Variants in SLC12A9 observed in about 807,000 individuals in gnomAD.
SLC12A9 encodes solute carrier family 12 member 9, also known as CCC-interacting protein 1.
Under a neutral mutation model 66.0 loss-of-function variants are expected in SLC12A9, and 55 were observed. The observed-to-expected ratio is 0.83, with a 90% CI of 0.67 to 1.04. The LOEUF (loss-of-function observed/expected upper bound fraction) is 1.04. SLC12A9 is among the 50% of genes least tolerant of loss of function. The pLI is 0.00. For missense variants in SLC12A9, 1,061 were observed against 1,241.9 expected (o/e 0.85, Z 2.19); for synonymous variants, 577 against 569.0 (o/e 1.01, Z -0.20).
Position 100,861,426 on chromosome 7 carries a change from C to T in SLC12A9, c.1378C>T (p.Leu460=), listed in dbSNP as rs1257653266. 2 of 1,613,780 alleles carry T rather than the reference C, an allele frequency of 1.2e-6. No individual in the cohort carries two copies. Among genetic ancestry groups the T allele is most frequent in the Admixed American group, 3.3e-5 (2 of 60,026 alleles). Residue 460 remains leucine (L), a synonymous_variant, in exon 11 of 14, where the codon CTG becomes TTG. Transcript: ENST00000354161. This position sits in a 1 kb window ranked among gnomAD's most constrained non-coding sequence, Gnocchi z 5.3. The stretch of plus-strand genomic sequence containing the variant: ...CAGCCTGTTCTCCTGGCACACCTGC[C>T]TGCTGGGGGTGGCCTCCTGCCTGCT... The part of the protein sequence containing the change: ...TFSLFSWHTC[L]LGVASCLLMM...
At chr7:100,829,967 G>C (rs2116487567) in intron 1 of SLC12A9, among the ~76,000 whole-genome samples, 1 of 152,128 alleles carries the variant, frequency 6.6e-6, no homozygotes, top group Non-Finnish European at 1.5e-5. Flanking sequence ...GGCAGAAGTT[G>C]CAGTGAGCAG....
chr7:100,844,212 GTTA>G (rs774617420), intron 1 of SLC12A9, among the ~76,000 whole-genome samples: 2 of 152,088 alleles, frequency 1.3e-5, no homozygotes, highest in Non-Finnish European at 2.9e-5. Flanking sequence ...TTATTTTACA[GTTA>G]TTATAAGTGT....
At chr7:100,837,027 G>C (rs1224645148) in intron 1 of SLC12A9, among the ~76,000 whole-genome samples, 2 of 152,122 alleles carry the variant, frequency 1.3e-5, no homozygotes, top group Admixed American at 1.3e-4. Context: ...ACACTCTGAG[G>C]TCACCTAATA....
intron 1 of SLC12A9, among the ~76,000 whole-genome samples, chr7:100,842,354 T>A (rs1028516015): frequency 6.6e-6 from 1 of 152,236 alleles, no homozygotes; most frequent in Non-Finnish European, 1.5e-5. Context: ...TGCTTTGTTA[T>A]ACCCTGTGAG....
intron 5 of SLC12A9, 182 bp downstream of exon 5, chr7:100,857,358 A>G (rs1814461648): frequency 2.9e-6 from 2 of 682,560 alleles, no homozygotes; most frequent in Non-Finnish European, 2.4e-6. Flanking sequence ...GCAGGGCAGG[A>G]GGAAGCCCAC....
At chr7:100,832,816 C>T (rs1292563045) in intron 1 of SLC12A9, among the ~76,000 whole-genome samples, 1 of 151,994 alleles carries the variant, frequency 6.6e-6, no homozygotes, top group Non-Finnish European at 1.5e-5. Flanking sequence ...CCCTTTGTCA[C>T]CCATGCTGGA....
chr7:100,861,986 G>C lies in SLC12A9; in HGVS notation c.1711+75G>C. 7.0e-7 allele frequency: 1 copy of C among 1,421,708 alleles called. No homozygotes were observed. The highest frequency in any genetic ancestry group is 9.3e-7 in the Non-Finnish European group (1 of 1,070,126). 88.1% of individuals were successfully genotyped at this position (1,421,708 alleles called of 1,614,324 possible). ...ACCTTTTTTTTTTTTTTGAGATGGAGCTTCGTTCTGTTGCCCAGGCTGGAG... is the reference window on the plus strand; with the variant it reads ...ACCTTTTTTTTTTTTTTGAGATGGACCTTCGTTCTGTTGCCCAGGCTGGAG... On this transcript the variant is annotated intron_variant, in intron 12 of 13. Coordinates refer to ENST00000354161, the MANE Select transcript of SLC12A9 (RefSeq NM_020246.4). The surrounding 1 kb of genome is among the most constrained non-coding windows in gnomAD (Gnocchi z 5.3).
At chr7:100,846,540 C>T (rs1813920309) in intron 1 of SLC12A9, among the ~76,000 whole-genome samples, 1 of 151,454 alleles carries the variant, frequency 6.6e-6, no homozygotes, top group Non-Finnish European at 1.5e-5. Context: ...GCACTCTAGC[C>T]TGGGCGACAA....
In SLC12A9 at chr7:100,861,095, C is replaced by T. The variant is rs761538999; in HGVS notation, c.1219-43C>T. The T allele has an allele frequency of 1.9e-6, 3 of 1,613,946 alleles. No homozygotes were observed. In the Admixed American group the frequency reaches 5.0e-5, roughly 27 times the overall value. The stretch of plus-strand genomic sequence containing the variant: ...TGTTCACTGGCATTTTGGGGGTGCA[C>T]TGGCACTTTGGAACAACGGCACGCC... On this transcript the variant is annotated intron_variant, in intron 9 of 13. Coordinates refer to ENST00000354161, the MANE Select transcript of SLC12A9 (RefSeq NM_020246.4). The surrounding 1 kb of genome is among the most constrained non-coding windows in gnomAD (Gnocchi z 5.3).
At chr7:100,850,487 G>A (rs563283705), upstream of SLC12A9, among the ~76,000 whole-genome samples, 2 of 151,772 alleles carry the variant, frequency 1.3e-5, no homozygotes, top group Admixed American at 6.6e-5. Context: ...TGACCCTTCT[G>A]CCTCAGCCTC....
In SLC12A9 at chr7:100,861,225, T is replaced by G. The variant is rs1814730551; in HGVS notation, c.1306T>G (p.Cys436Gly). 6.2e-7 allele frequency: 1 copy of G among 1,614,116 alleles called. No homozygotes were observed. Among genetic ancestry groups the G allele is most frequent in the African/African-American group, 1.3e-5 (1 of 74,942 alleles). Residue 436 changes from cysteine to glycine, a missense_variant, in exon 10 of 14, where the codon TGC (cysteine) becomes GGC (glycine). Coordinates refer to ENST00000354161, the MANE Select transcript of SLC12A9 (RefSeq NM_020246.4). This position sits in a 1 kb window ranked among gnomAD's most constrained non-coding sequence, Gnocchi z 5.3. ...LVAYAAVDLS[C>G]LSLEWASAPN... is the part of the protein sequence containing the mutation. ...GGCCTATGCTGCCGTGGACCTGTCC[T>G]GCCTGAGCCTGGAGTGGGCCTCGGC...
rs558346118 is a variant in SLC12A9, at chr7:100,865,395, C to T, written c.1859-324C>T. The T allele has an allele frequency of 3.3e-6, 5 of 1,536,110 alleles. No individual in the cohort carries two copies. In the African/African-American group the frequency reaches 6.8e-5, roughly 21 times the overall value. ...GCATCCCCTGCCGTGAAACAGATGC[C>T]CCGCTAGAAGCCGGGAGTGGACAGC... On this transcript the variant is annotated intron_variant, in intron 13 of 13. Coordinates refer to ENST00000354161, the MANE Select transcript of SLC12A9 (RefSeq NM_020246.4).
intron 5 of SLC12A9, chr7:100,858,634 A>G (rs916451822): frequency 1.2e-5 from 7 of 570,196 alleles, no homozygotes; most frequent in Middle Eastern, 4.8e-4. Context: ...TAGGGTCTGG[A>G]GGGAGGAATA....
chr7:100,848,513 A>AATAC (rs1276934198), upstream of SLC12A9, among the ~76,000 whole-genome samples: 4 of 151,014 alleles, frequency 2.6e-5, no homozygotes. Flanking sequence ...TAAATAAATA[A>AATAC]ATAAATAAAT....
At chr7:100,834,161 A>G (rs1471038261) in intron 1 of SLC12A9, among the ~76,000 whole-genome samples, 2 of 152,088 alleles carry the variant, frequency 1.3e-5, no homozygotes, top group East Asian at 1.9e-4. Flanking sequence ...AGCTTTCTGC[A>G]GAAGGTGATG....
At chr7:100,857,897 G>A (rs887375062) in intron 5 of SLC12A9, 2 of 152,152 alleles carry the variant, frequency 1.3e-5, no homozygotes, top group African/African-American at 4.8e-5. Flanking sequence ...CTCCAGCCTG[G>A]GAGACAGTGA....
At chr7:100,863,899 A>G (rs1422986152) in intron 13 of SLC12A9, among the ~76,000 whole-genome samples, 1 of 152,196 alleles carries the variant, frequency 6.6e-6, no homozygotes, top group Non-Finnish European at 1.5e-5. Flanking sequence ...TTTATTTTGC[A>G]AGATCAGCTG....
chr7:100,862,287 C>T (rs1244970414), intron 12 of SLC12A9, among the ~76,000 whole-genome samples: 1 of 151,564 alleles, frequency 6.6e-6, no homozygotes, highest in Non-Finnish European at 1.5e-5. Flanking sequence ...GAGACAAGGT[C>T]TTGCTCTGTC....
At chr7:100,842,444 T>A (rs1164057908) in intron 1 of SLC12A9, among the ~76,000 whole-genome samples, 3 of 152,186 alleles carry the variant, frequency 2.0e-5, no homozygotes, top group Admixed American at 2.0e-4. Context: ...TGGGCATTAG[T>A]AAACTAGGAC....
Sources: allele counts gnomAD v4.1 joint callset (sites outside exome capture counted in the v4.1 genomes callset), GRCh38; gene constraint gnomAD v4.1.1; non-coding constraint Gnocchi (gnomAD v3.1); transcripts MANE v1.5; gene names NCBI Gene and HGNC (gene_info 2026-07-23, HGNC 2026-07-21).